Variants in DHX9 observed in about 807,000 individuals in gnomAD.
The protein encoded by DHX9 is ATP-dependent RNA helicase A.
Under a neutral mutation model 148.7 loss-of-function variants are expected in DHX9, and 27 were observed. That is an observed-to-expected ratio of 0.18 (90% confidence interval 0.13 to 0.25). The LOEUF (loss-of-function observed/expected upper bound fraction) is 0.25, where lower values mean the gene tolerates loss of function less well. Ranked by LOEUF, DHX9 falls within the 10% of genes least tolerant of loss-of-function variation. DHX9 has a pLI of 1.00. For missense variants in DHX9, 796 were observed against 1,559.6 expected (o/e 0.51, Z 8.25); for synonymous variants, 529 against 516.6 (o/e 1.02, Z -0.33).
intron 16 of DHX9, among the ~76,000 whole-genome samples, chr1:182,875,611 A>G (rs1462765752): frequency 6.9e-6 from 1 of 145,508 alleles, no homozygotes; most frequent in African/African-American, 2.9e-5. Flanking sequence ...AAAACCTAAG[A>G]TTATATCTTT....
chr1:182,853,229 A>T, intron 4 of DHX9, 77 bp from the exon 5 acceptor site: 1 of 1,052,084 alleles, frequency 9.5e-7, no homozygotes, highest in Non-Finnish European at 1.4e-6. Context: ...CCGGCCATAA[A>T]TTAGGATAAT....
intron 14 of DHX9, among the ~76,000 whole-genome samples, chr1:182,871,996 G>C (rs1371333458): frequency 6.6e-6 from 1 of 152,082 alleles, no homozygotes; most frequent in Non-Finnish European, 1.5e-5. Flanking sequence ...AGTCGAGACA[G>C]GATTTCTCCA....
intron 1 of DHX9, among the ~76,000 whole-genome samples, chr1:182,840,583 C>A (rs1212210454): frequency 6.6e-6 from 1 of 152,172 alleles, no homozygotes; most frequent in Non-Finnish European, 1.5e-5. Context: ...CAGGCGTGAG[C>A]CTCCGCGCCC....
At chr1:182,868,378 A>G (rs964703157) in intron 14 of DHX9, among the ~76,000 whole-genome samples, 6 of 152,206 alleles carry the variant, frequency 3.9e-5, no homozygotes, top group Admixed American at 3.3e-4. Flanking sequence ...AATTTCAAGC[A>G]TAACAGTCAA....
intron 8 of DHX9, 97 bp downstream of exon 8, chr1:182,858,337 A>G (rs1409016542): frequency 2.1e-6 from 3 of 1,413,700 alleles, no homozygotes; most frequent in Non-Finnish European, 2.9e-6. Context: ...TAAGAATCTT[A>G]CCTCAGGAAA....
chr1:182,862,625 T>A (rs2102603921), intron 12 of DHX9, among the ~76,000 whole-genome samples: 1 of 152,318 alleles, frequency 6.6e-6, no homozygotes, highest in South Asian at 2.1e-4. Context: ...TAGTATCTAG[T>A]GCATTAGGAA....
intron 13 of DHX9, among the ~76,000 whole-genome samples, 175 bp downstream of exon 13, chr1:182,866,760 T>C (rs1648313530): frequency 6.6e-6 from 1 of 152,204 alleles, no homozygotes; most frequent in South Asian, 2.1e-4. Context: ...CATTAGATCT[T>C]GTAGCTTAGA....
chr1:182,859,094 G>C lies in DHX9; in HGVS notation c.1117G>C (p.Glu373Gln). ...DLKNELMYQL[E>Q]QDHDLQAILQ... ...CAAGAATGAATTGATGTACCAGTTG[G>C]AACAGGATCATGATTTGCAAGCAGT... The change falls in exon 11 of 28, where the codon GAA (glutamate) becomes CAA (glutamine). Residue 373 changes from glutamate (E) to glutamine (Q), a missense_variant. Around this residue, in one of 14 missense-constraint regions of DHX9, gnomAD observed 42 missense variants for 27.1 expected, o/e 1.55. Transcript: ENST00000367549. 1 of 1,614,026 alleles carries C rather than the reference G, an allele frequency of 6.2e-7. No individual in the cohort carries two copies. The highest frequency in any genetic ancestry group is 2.2e-5 in the East Asian group (1 of 44,866).
chr1:182,843,073 A>G (rs1286144711), intron 2 of DHX9, among the ~76,000 whole-genome samples: 3 of 152,068 alleles, frequency 2.0e-5, no homozygotes, highest in East Asian at 1.9e-4. Context: ...CTTCTGTTAT[A>G]TGAGAAAAAA....
intron 3 of DHX9, among the ~76,000 whole-genome samples, chr1:182,849,224 T>C (rs1410734895): frequency 6.6e-6 from 1 of 152,204 alleles, no homozygotes; most frequent in Non-Finnish European, 1.5e-5. Flanking sequence ...TTTTTTGCTG[T>C]GGACAATTGT....
chr1:182,853,245 A>C (rs1466856250), intron 4 of DHX9, 61 bp from the exon 5 acceptor site: 10 of 1,168,388 alleles, frequency 8.6e-6, no homozygotes. Context: ...ATAATTCTTT[A>C]ATGTATTTAG....
chr1:182,876,039 G>T lies in DHX9; in HGVS notation c.1816-11G>T. 5 of 1,612,152 alleles carry T rather than the reference G, an allele frequency of 3.1e-6. No individual in the cohort carries two copies. Among genetic ancestry groups the T allele is most frequent in the Non-Finnish European group, 4.2e-6 (5 of 1,178,850 alleles). ...AGACAATCCAAAAATATGTCTCCCT[G>T]TTTTTTACAGGCAAATTGCAACTTG... On this transcript the variant is annotated splice_polypyrimidine_tract_variant and intron_variant, in intron 16 of 27. Transcript: ENST00000367549.
intron 14 of DHX9, among the ~76,000 whole-genome samples, chr1:182,868,328 G>T (rs1055072828): frequency 1.3e-5 from 2 of 151,922 alleles, no homozygotes; most frequent in African/African-American, 4.8e-5. Flanking sequence ...CTGATCTGTG[G>T]TGACAAAAAT....
At chr1:182,861,136 TGTATAATTGTATAATTA>T (rs955414835) in intron 12 of DHX9, among the ~76,000 whole-genome samples, 3 of 152,262 alleles carry the variant, frequency 2.0e-5, no homozygotes, top group South Asian at 2.1e-4. Flanking sequence ...TTAGTATATT[TGTATAATTGTATAATTA>T]GTATAATTGT....
intron 11 of DHX9, 23 bp from the exon 12 acceptor site, chr1:182,859,970 G>A: frequency 4.4e-6 from 7 of 1,593,388 alleles, no homozygotes; most frequent in East Asian, 2.2e-5. Flanking sequence ...ACATTTGACT[G>A]AAGTGTGACT....
chr1:182,872,115 C>T (rs1648575290), intron 14 of DHX9, among the ~76,000 whole-genome samples: 1 of 152,184 alleles, frequency 6.6e-6, no homozygotes, highest in Non-Finnish European at 1.5e-5. Flanking sequence ...CAATAGCACT[C>T]ATTTCTAATC....
chr1:182,880,303 T>C (rs1356867933), intron 21 of DHX9, among the ~76,000 whole-genome samples, 194 bp from the exon 22 acceptor site: 1 of 152,216 alleles, frequency 6.6e-6, no homozygotes, highest in Non-Finnish European at 1.5e-5. Context: ...GTAGTACCTT[T>C]ATGTTGGGTG....
In DHX9 at chr1:182,879,320, C is replaced by T; in HGVS notation, c.2422C>T (p.Leu808=). Residue 808 remains leucine (L), a synonymous_variant, in exon 21 of 28, where the codon CTG becomes TTG. Coordinates refer to ENST00000367549, the MANE Select transcript of DHX9 (RefSeq NM_001357.5). ...TGAAATTGCTCTTAGCATAAAACTTCTGCGTCTAGGAGGAATTGGCCAATT... is the reference window on the plus strand; with the variant it reads ...TGAAATTGCTCTTAGCATAAAACTTTTGCGTCTAGGAGGAATTGGCCAATT... ...LHEIALSIKL[L]RLGGIGQFLA... is the part of the protein sequence containing the mutation. 1.3e-6 allele frequency: 2 copies of T among 1,550,634 alleles called. No individual in the cohort carries two copies. Among genetic ancestry groups the T allele is most frequent in the African/African-American group, 2.7e-5 (2 of 74,300 alleles).
rs1571302011 is a variant in DHX9, at chr1:182,853,239, T to C, written c.365-67T>C. 28 of 1,134,618 alleles carry C rather than the reference T, an allele frequency of 2.5e-5. No homozygotes were observed. In the East Asian group the frequency reaches 6.7e-4, roughly 27 times the overall value. 70.3% of individuals were successfully genotyped at this position (1,134,618 alleles called of 1,614,324 possible). On this transcript the variant is annotated intron_variant, in intron 4 of 27. Transcript: ENST00000367549. ...CATGCCCGGCCATAAATTAGGATAA[T>C]TCTTTAATGTATTTAGGATTTTTCT... is the stretch of plus-strand genomic sequence containing the variant.
Sources: gnomAD v4.1 joint callset for allele counts (sites outside exome capture counted in the v4.1 genomes callset) on GRCh38, gnomAD v4.1.1 for gene constraint, gnomAD v4.1.1 regional missense constraint, MANE v1.5 for transcripts, NCBI Gene and HGNC (gene_info 2026-07-23, HGNC 2026-07-21) for gene names.